The following MARCHF1 variants were observed in gnomAD, a reference collection of about 807,000 sequenced individuals.
MARCHF1 encodes the protein E3 ubiquitin-protein ligase MARCHF1.
Under a neutral mutation model 54.2 loss-of-function variants are expected in MARCHF1, and 40 were observed. That is an observed-to-expected ratio of 0.74 (90% CI 0.57 to 0.96). The LOEUF is 0.96. Among genes scored for constraint, MARCHF1 ranks in the 40% least tolerant of loss-of-function variants. The pLI is 0.00. For missense variants in MARCHF1, 586 were observed against 656.5 expected, an observed-to-expected ratio of 0.89 and a Z score of 1.17; for synonymous variants, 236 against 236.3, an observed-to-expected ratio of 1.00 and a Z score of 0.01.
chr4:163,673,921 C>A (rs1046998560), intron 5 of MARCHF1, among the ~76,000 whole-genome samples: 2 of 152,030 alleles, frequency 1.3e-5, no homozygotes, highest in Admixed American at 1.3e-4. Context: ...CTTGGAAAAA[C>A]CAAAGAAAGG....
At chr4:164,338,459 A>G (rs898943844) in intron 1 of MARCHF1, among the ~76,000 whole-genome samples, 26 of 152,224 alleles carry the variant, frequency 1.7e-4, no homozygotes, top group African/African-American at 6.3e-4. Context: ...AATTGGATCA[A>G]ATTCTCAAAA....
At chr4:163,859,613 G>A (rs563858162) in intron 3 of MARCHF1, among the ~76,000 whole-genome samples, 1 of 152,010 alleles carries the variant, frequency 6.6e-6, no homozygotes, top group Non-Finnish European at 1.5e-5. Context: ...CACCTGCTTC[G>A]GCCTCCCAAA....
intron 7 of MARCHF1, among the ~76,000 whole-genome samples, chr4:163,608,656 T>C (rs1230331724): frequency 6.6e-6 from 1 of 152,022 alleles, no homozygotes; most frequent in Admixed American, 6.6e-5. Context: ...CTCTAAGGTA[T>C]AATAGGCTGG....
At chr4:164,026,965 C>A (rs1753782759) in intron 2 of MARCHF1, among the ~76,000 whole-genome samples, 1 of 151,812 alleles carries the variant, frequency 6.6e-6, no homozygotes, top group African/African-American at 2.4e-5. Context: ...AGAGTCAAAT[C>A]AATAATATAA....
chr4:163,919,478 T>C (rs941710666), intron 3 of MARCHF1, among the ~76,000 whole-genome samples: 2 of 151,994 alleles, frequency 1.3e-5, no homozygotes, highest in African/African-American at 2.4e-5. Flanking sequence ...AATTACAATG[T>C]CCTGCATTGA....
At chr4:164,065,060 T>C (rs1238309547) in intron 2 of MARCHF1, among the ~76,000 whole-genome samples, 1 of 152,224 alleles carries the variant, frequency 6.6e-6, no homozygotes, top group Non-Finnish European at 1.5e-5. Flanking sequence ...GCCAGTATTT[T>C]GCTGAGTATT....
intron 1 of MARCHF1, among the ~76,000 whole-genome samples, chr4:164,312,078 A>G (rs1579711239): frequency 6.6e-6 from 1 of 152,202 alleles, no homozygotes; most frequent in Non-Finnish European, 1.5e-5. Flanking sequence ...CCAGAACAGA[A>G]GATGGCATTA....
chr4:163,592,208 G>T (rs1012543941), intron 7 of MARCHF1, among the ~76,000 whole-genome samples: 13 of 152,204 alleles, frequency 8.5e-5, no homozygotes, highest in African/African-American at 3.1e-4. Context: ...CATAAGTTTT[G>T]TCATTCTGAA....
At chr4:164,240,657 A>T (rs771600204) in intron 1 of MARCHF1, among the ~76,000 whole-genome samples, 12 of 152,146 alleles carry the variant, frequency 7.9e-5, no homozygotes, top group Admixed American at 6.5e-4. Context: ...GAGAATTCAG[A>T]CATAACTGAC....
intron 4 of MARCHF1, among the ~76,000 whole-genome samples, chr4:163,774,777 T>C (rs931404601): frequency 2.0e-5 from 3 of 152,186 alleles, no homozygotes; most frequent in Admixed American, 1.3e-4. Context: ...ATTACAGGTG[T>C]GAGTGACCAC....
intron 3 of MARCHF1, among the ~76,000 whole-genome samples, chr4:163,913,109 A>C (rs1046944354): frequency 1.3e-5 from 2 of 152,166 alleles, no homozygotes; most frequent in African/African-American, 2.4e-5. Flanking sequence ...AGGCCTTTTT[A>C]AAAAATTACA....
At chr4:163,725,721 T>C (rs1459639850) in intron 4 of MARCHF1, among the ~76,000 whole-genome samples, 1 of 152,204 alleles carries the variant, frequency 6.6e-6, no homozygotes, top group Non-Finnish European at 1.5e-5. Context: ...GCTCTAGTGT[T>C]GGATCTATTA....
chr4:164,127,052 TCAAAACAAAA>T (rs61100715), intron 1 of MARCHF1, among the ~76,000 whole-genome samples: 20 of 150,588 alleles, frequency 1.3e-4, no homozygotes, highest in African/African-American at 3.9e-4. Context: ...AAACTCCGTC[TCAAAACAAAA>T]CAAAACAAAA....
At chr4:164,300,351 A>G (rs890729719) in intron 1 of MARCHF1, among the ~76,000 whole-genome samples, 1 of 152,132 alleles carries the variant, frequency 6.6e-6, no homozygotes, top group Non-Finnish European at 1.5e-5. Flanking sequence ...AGCTTTTAAG[A>G]TACCCAAAGA....
chr4:163,702,259 C>T (rs1744832624), intron 4 of MARCHF1, among the ~76,000 whole-genome samples: 1 of 152,138 alleles, frequency 6.6e-6, no homozygotes, highest in Admixed American at 6.5e-5. Context: ...CTACCACAGA[C>T]ATTTTTCCCT....
chr4:164,280,418 C>T (rs1733998877), intron 1 of MARCHF1, among the ~76,000 whole-genome samples: 2 of 151,896 alleles, frequency 1.3e-5, no homozygotes, highest in Non-Finnish European at 2.9e-5. Flanking sequence ...GTTAAATAAA[C>T]TACAATGGTA....
At chr4:163,834,823 G>A (rs1749134430) in intron 4 of MARCHF1, among the ~76,000 whole-genome samples, 1 of 151,982 alleles carries the variant, frequency 6.6e-6, no homozygotes, top group South Asian at 2.1e-4. Context: ...TCAGATCAGT[G>A]CAGCTTCCTG....
intron 7 of MARCHF1, among the ~76,000 whole-genome samples, chr4:163,610,048 C>T (rs1392233275): frequency 1.3e-5 from 2 of 151,968 alleles, no homozygotes; most frequent in African/African-American, 2.4e-5. Context: ...AATGGCATTT[C>T]CCCCGCCTTG....
intron 1 of MARCHF1, among the ~76,000 whole-genome samples, chr4:164,120,315 G>A (rs1756039808): frequency 1.3e-5 from 2 of 151,992 alleles, no homozygotes; most frequent in African/African-American, 2.4e-5. Context: ...ACCCAACACC[G>A]GAGCACCCAG....
Sources: allele counts gnomAD v4.1 joint callset (sites outside exome capture counted in the v4.1 genomes callset), GRCh38; gene constraint gnomAD v4.1.1; transcripts MANE v1.5; gene names NCBI Gene and HGNC (gene_info 2026-07-23, HGNC 2026-07-21).